Variants in ZNF462 observed in about 807,000 individuals in gnomAD.
ZNF462 encodes the protein zinc finger PBX1-interacting protein.
A neutral mutation model predicts 201.9 loss-of-function variants in ZNF462; 10 were observed. The ratio of observed to expected loss-of-function variants is 0.05; its 90% CI spans 0.03 to 0.08. ZNF462 has a LOEUF of 0.08. Ranked by LOEUF, ZNF462 falls within the 10% of genes least tolerant of loss-of-function variation. The probability of loss-of-function intolerance (pLI) is 1.00; values close to 1 mark genes in which losing one functional copy is unlikely to be tolerated. For missense variants in ZNF462, 2,523 were observed against 3,168.3 expected (o/e 0.80, Z 4.89); for synonymous variants, 1,227 against 1,193.3 (o/e 1.03, Z -0.58).
At chr9:106,967,551 G>T (rs1832133709) in intron 7 of ZNF462, among the ~76,000 whole-genome samples, 1 of 152,044 alleles carries the variant, frequency 6.6e-6, no homozygotes, top group African/African-American at 2.4e-5. Flanking sequence ...AAATGAGAGG[G>T]TTAGGACATC....
In ZNF462 at chr9:106,928,499, C is replaced by T. The variant is rs373087468; in HGVS notation, c.4587C>T (p.Gly1529=). 52 of 1,614,116 alleles carry T rather than the reference C, an allele frequency of 3.2e-5. No individual in the cohort carries two copies. The South Asian group carries it at 3.4e-4, about 11-fold the overall frequency. The stretch of plus-strand genomic sequence containing the variant: ...CATACATCAACACCCGCATCCACGG[C>T]GTACTGACCCACTACCAGAAGCGAC... ...HCPYINTRIH[G]VLTHYQKRHP... The change falls in exon 3 of 13, where the codon GGC becomes GGT. Residue 1529 remains glycine, a synonymous_variant. Transcript: ENST00000277225. This position sits in a 1 kb window ranked among gnomAD's most constrained non-coding sequence, Gnocchi z 9.3.
chr9:106,974,340 A>T lies in ZNF462; in HGVS notation c.6832+67A>T, dbSNP rs1826835239. On this transcript the variant is annotated intron_variant, in intron 9 of 12. Coordinates refer to ENST00000277225, the MANE Select transcript of ZNF462 (RefSeq NM_021224.6). This position sits in a 1 kb window ranked among gnomAD's most constrained non-coding sequence, Gnocchi z 4.0. ...AGGCAGCAGAGATGGCCTTCTAGGG[A>T]TGCTCTCTCAGAGTGGCAGTAGCAC... is the stretch of plus-strand genomic sequence containing the variant. The T allele has an allele frequency of 6.2e-7, 1 of 1,609,064 alleles. No individual in the cohort carries two copies. Among genetic ancestry groups the T allele is most frequent in the African/African-American group, 1.3e-5 (1 of 74,838 alleles).
chr9:106,926,228 C>T lies in ZNF462; in HGVS notation c.2316C>T (p.Pro772=). The T allele has an allele frequency of 6.2e-7, 1 of 1,614,150 alleles. No individual in the cohort carries two copies. The highest frequency in any genetic ancestry group is 8.5e-7 in the Non-Finnish European group (1 of 1,180,026). Residue 772 remains proline, a synonymous_variant, in exon 3 of 13, where the codon CCC becomes CCT. Coordinates refer to ENST00000277225, the MANE Select transcript of ZNF462 (RefSeq NM_021224.6). This position sits in a 1 kb window ranked among gnomAD's most constrained non-coding sequence, Gnocchi z 7.9. ...VRDTSEPQKE[P]NFRNITHDYN... is the part of the protein sequence containing the mutation. Reference sequence around the variant, plus strand: ...ATACCAGTGAGCCCCAGAAAGAGCCCAACTTCAGAAACATCACCCACGATT... The same window carrying T: ...ATACCAGTGAGCCCCAGAAAGAGCCTAACTTCAGAAACATCACCCACGATT...
chr9:106,961,276 A>G (rs1407104228), intron 7 of ZNF462, among the ~76,000 whole-genome samples: 2 of 152,112 alleles, frequency 1.3e-5, no homozygotes, highest in African/African-American at 4.8e-5. Context: ...TAGCTGATTT[A>G]GGGGCAAGAC....
upstream of ZNF462, among the ~76,000 whole-genome samples, chr9:106,860,180 G>T (rs777219762): frequency 8.5e-5 from 13 of 152,202 alleles, no homozygotes; most frequent in Non-Finnish European, 1.3e-4. This position sits in a 1 kb window ranked among gnomAD's most constrained non-coding sequence, Gnocchi z 7.1. Flanking sequence ...CCCCGCGGCC[G>T]GTTCGGGAGC....
chr9:106,871,023 T>C (rs1001011918), intron 1 of ZNF462, among the ~76,000 whole-genome samples: 1 of 152,184 alleles, frequency 6.6e-6, no homozygotes, highest in Admixed American at 6.5e-5. Flanking sequence ...TGGGAGCCGA[T>C]GTCCTCTAAG....
chr9:106,974,302 T>TC lies in ZNF462; in HGVS notation c.6832+29_6832+30insC. The TC allele has an allele frequency of 6.2e-7, 1 of 1,614,032 alleles. No homozygotes were observed. The highest frequency in any genetic ancestry group is 8.5e-7 in the Non-Finnish European group (1 of 1,179,896). ...ACCTTTCTAACTTGGTTTTCTTGGA[T>TC]GCAGCGGGGGGCAGGCAGCAGAGAT... On this transcript the variant is annotated intron_variant, in intron 9 of 12. Coordinates refer to ENST00000277225, the MANE Select transcript of ZNF462 (RefSeq NM_021224.6). This position sits in a 1 kb window ranked among gnomAD's most constrained non-coding sequence, Gnocchi z 4.0.
At chr9:106,869,769 T>G (rs149146089) in intron 1 of ZNF462, among the ~76,000 whole-genome samples, 1 of 152,142 alleles carries the variant, frequency 6.6e-6, no homozygotes, top group African/African-American at 2.4e-5. Flanking sequence ...AAAAAAAGTT[T>G]GGGTTGGGAG....
chr9:106,995,443 C>A (rs1210632106), intron 10 of ZNF462: 3 of 152,088 alleles, frequency 2.0e-5, no homozygotes, highest in Admixed American at 1.3e-4. Flanking sequence ...AATACTTTTT[C>A]TTTCTCATTC....
intron 1 of ZNF462, among the ~76,000 whole-genome samples, chr9:106,906,788 A>G (rs1829292798): frequency 6.6e-6 from 1 of 152,230 alleles, no homozygotes; most frequent in South Asian, 2.1e-4. Flanking sequence ...TAAGTAGAAA[A>G]TGAAAGTGTT....
rs1831521835 is a variant in ZNF462 at position 106,955,219 on chromosome 9, T to A, written c.6427+16112T>A. Among the ~76,000 whole-genome samples the A allele has an allele frequency of 3.3e-5, 5 of 152,178 alleles. No homozygotes were observed. In the South Asian group the frequency reaches 6.2e-4, roughly 19 times the overall value. On this transcript the variant is annotated intron_variant, in intron 7 of 12. Transcript: ENST00000277225. Reference sequence around the variant, plus strand: ...CTAACATACAGGAATACCTTGGAGATGTTGCGGGTTTGGTTCCAGACCACC... The same window carrying A: ...CTAACATACAGGAATACCTTGGAGAAGTTGCGGGTTTGGTTCCAGACCACC...
chr9:106,891,116 A>G (rs1828558097), intron 1 of ZNF462, among the ~76,000 whole-genome samples: 1 of 152,212 alleles, frequency 6.6e-6, no homozygotes, highest in Non-Finnish European at 1.5e-5. Context: ...ATTGTTTGGT[A>G]TATTTACAGT....
chr9:106,910,494 C>CT (rs779989328), intron 1 of ZNF462, among the ~76,000 whole-genome samples: 1 of 150,398 alleles, frequency 6.6e-6, no homozygotes, highest in Non-Finnish European at 1.5e-5. Flanking sequence ...CTTAATTCTG[C>CT]TTTTAGAACC....
intron 9 of ZNF462, chr9:106,975,627 T>G (rs757306923): frequency 2.0e-5 from 3 of 152,266 alleles, no homozygotes; most frequent in Non-Finnish European, 4.4e-5. Flanking sequence ...TCCGCCTCAG[T>G]CACCTGGCTT....
Position 106,886,938 on chromosome 9 carries a change from C to T in ZNF462, c.-31+23583C>T, listed in dbSNP as rs535451507. Among the ~76,000 whole-genome samples the T allele has an allele frequency of 2.6e-5, 4 of 152,104 alleles. No homozygotes were observed. Among genetic ancestry groups the T allele is most frequent in the Admixed American group, 1.3e-4 (2 of 15,270 alleles). ...TAGGCGGGAGAGGGTAAATGACAGGCGGTGGCACTTCCCTATACTTGCTGT... is the reference window on the plus strand; with the variant it reads ...TAGGCGGGAGAGGGTAAATGACAGGTGGTGGCACTTCCCTATACTTGCTGT... On this transcript the variant is annotated intron_variant, in intron 1 of 12. Coordinates refer to ENST00000277225, the MANE Select transcript of ZNF462 (RefSeq NM_021224.6). This position sits in a 1 kb window ranked among gnomAD's most constrained non-coding sequence, Gnocchi z 4.6.
chr9:106,989,674 C>T (rs566819007), intron 10 of ZNF462, among the ~76,000 whole-genome samples: 1 of 152,022 alleles, frequency 6.6e-6, no homozygotes, highest in South Asian at 2.1e-4. Context: ...TGGTCCTGGA[C>T]TTTTTTTGTT....
chr9:106,947,293 C>T (rs1454196979), intron 7 of ZNF462, among the ~76,000 whole-genome samples: 2 of 152,176 alleles, frequency 1.3e-5, no homozygotes, highest in Admixed American at 1.3e-4. Context: ...AGGCTAGGTT[C>T]TTCAGCTTCC....
chr9:106,960,272 C>G (rs1422564836), intron 7 of ZNF462, among the ~76,000 whole-genome samples: 1 of 152,080 alleles, frequency 6.6e-6, no homozygotes, highest in African/African-American at 2.4e-5. Context: ...CAGTTGTTCC[C>G]TCCGGGCTCT....
chr9:106,875,194 C>T (rs1206002640), intron 1 of ZNF462, among the ~76,000 whole-genome samples: 1 of 152,070 alleles, frequency 6.6e-6, no homozygotes, highest in Non-Finnish European at 1.5e-5. Context: ...ATGATCTTTC[C>T]CCCATCTTAG....
Sources: allele counts gnomAD v4.1 joint callset (sites outside exome capture counted in the v4.1 genomes callset), GRCh38; gene constraint gnomAD v4.1.1; non-coding constraint Gnocchi (gnomAD v3.1); transcripts MANE v1.5; gene names NCBI Gene and HGNC (gene_info 2026-07-23, HGNC 2026-07-21).